DLGAP1: variants seen among roughly 807,000 people sequenced by gnomAD.
DLGAP1 encodes the protein DLG associated protein 1.
In DLGAP1, 11 loss-of-function variants were observed where a neutral mutation model predicts 90.8. That is an observed-to-expected ratio of 0.12 (90% CI 0.08 to 0.20). The LOEUF (loss-of-function observed/expected upper bound fraction) is 0.20. Among genes scored for constraint, DLGAP1 ranks in the 10% least tolerant of loss-of-function variants. DLGAP1 has a pLI of 1.00. For synonymous variants in DLGAP1, 558 were observed against 540.7 expected, an observed-to-expected ratio of 1.03 and a Z score of -0.44; for missense variants, 1,050 against 1,333.8, an observed-to-expected ratio of 0.79 and a Z score of 3.31.
intron 10 of DLGAP1, among the ~76,000 whole-genome samples, chr18:3,513,922 C>T (rs7242323): frequency 0.58 from 87,673 of 151,974 alleles, 27,297 homozygotes; most frequent in East Asian, 0.76. Context: ...AAACACTTTC[C>T]TTTAACCCTC....
chr18:3,935,345 T>C (rs1186875769), intron 3 of DLGAP1, among the ~76,000 whole-genome samples: 4 of 152,236 alleles, frequency 2.6e-5, no homozygotes, highest in Non-Finnish European at 5.9e-5. Context: ...AGTGTTGGAA[T>C]TTAATTCAAT....
chr18:4,403,634 A>G (rs550660304), intron 1 of DLGAP1, among the ~76,000 whole-genome samples: 1 of 152,316 alleles, frequency 6.6e-6, no homozygotes, highest in Non-Finnish European at 1.5e-5. Flanking sequence ...AATAATGCAA[A>G]TCAAAGTCTT....
In DLGAP1 at chr18:3,499,720, A is replaced by T. The variant is rs2049829862; in HGVS notation, c.2725-326T>A. On this transcript the variant is annotated intron_variant, in intron 12 of 12. Transcript: ENST00000315677. The surrounding 1 kb of genome is among the most constrained non-coding windows in gnomAD (Gnocchi z 6.4). ...ACATTGAGTGCGGTTCTCTCTGGAG[A>T]CTCCAGACTCCTCCTGGTGCCAGAG... 6.6e-6 allele frequency among the ~76,000 whole-genome samples: 1 copy of T among 151,484 alleles called. No individual in the cohort carries two copies. Among genetic ancestry groups the T allele is most frequent in the Admixed American group, 6.6e-5 (1 of 15,210 alleles).
chr18:4,390,879 TTC>T (rs1234734240), intron 1 of DLGAP1, among the ~76,000 whole-genome samples: 6 of 152,202 alleles, frequency 3.9e-5, no homozygotes, highest in Non-Finnish European at 7.3e-5. Context: ...TTCCTCCATG[TTC>T]TCTTTTGCCT....
At chr18:3,974,364 T>A (rs149199175) in intron 3 of DLGAP1, among the ~76,000 whole-genome samples, 25 of 152,262 alleles carry the variant, frequency 1.6e-4, no homozygotes, top group Non-Finnish European at 1.6e-4. Flanking sequence ...AATTCATCCG[T>A]GACCTAAATG....
At chr18:4,304,856 A>G (rs1012987842) in intron 1 of DLGAP1, among the ~76,000 whole-genome samples, 11 of 151,686 alleles carry the variant, frequency 7.3e-5, no homozygotes, top group Non-Finnish European at 5.9e-5. Context: ...GCTTGAACCC[A>G]GGAGGCGGAG....
At chr18:3,927,254 C>T (rs2072412624) in intron 3 of DLGAP1, among the ~76,000 whole-genome samples, 1 of 152,186 alleles carries the variant, frequency 6.6e-6, no homozygotes, top group African/African-American at 2.4e-5. Context: ...AGTATATTTA[C>T]ATCTTACAAC....
intron 2 of DLGAP1, among the ~76,000 whole-genome samples, chr18:4,122,220 G>T (rs1031544295): frequency 1.1e-4 from 16 of 152,132 alleles, no homozygotes; most frequent in African/African-American, 3.9e-4. Flanking sequence ...ACCAGGAAAA[G>T]ACAAATGTTA....
At chr18:4,269,650 G>A (rs1006880) in intron 1 of DLGAP1, among the ~76,000 whole-genome samples, 84,035 of 151,996 alleles carry the variant, frequency 0.55, 26,557 homozygotes, top group African/African-American at 0.87. Context: ...CACCGCGCCC[G>A]GCCATATTCT....
chr18:4,249,522 C>G (rs1043045576), intron 1 of DLGAP1, among the ~76,000 whole-genome samples: 1 of 150,070 alleles, frequency 6.7e-6, no homozygotes, highest in Admixed American at 6.7e-5. Context: ...TCAGGCAACA[C>G]TTTTACTCTA....
chr18:3,909,544 ATTTT>A lies in DLGAP1; in HGVS notation c.-72-29408_-72-29405del, dbSNP rs373391824. Among the ~76,000 whole-genome samples the A allele has an allele frequency of 3.0e-3, 453 of 152,226 alleles. 1 individual carries two copies. The highest frequency in any genetic ancestry group is 0.016 in the South Asian group (76 of 4,812). On this transcript the variant is annotated intron_variant, in intron 3 of 12. Transcript: ENST00000315677. The stretch of plus-strand genomic sequence containing the variant: ...GATTAGGGTTCTTTTCTTGCTTTTG[ATTTT>A]TTTATTAATTAGTGATGATAATTAC...
At chr18:4,420,243 C>T (rs191705369) in intron 1 of DLGAP1, among the ~76,000 whole-genome samples, 1 of 152,158 alleles carries the variant, frequency 6.6e-6, no homozygotes, top group Non-Finnish European at 1.5e-5. Flanking sequence ...GAGACTTCAA[C>T]ACTTTTCTCT....
intron 3 of DLGAP1, among the ~76,000 whole-genome samples, chr18:3,975,853 A>G (rs1381555873): frequency 6.6e-6 from 1 of 152,204 alleles, no homozygotes; most frequent in Non-Finnish European, 1.5e-5. Flanking sequence ...TTTAATTTAC[A>G]TGAGGTACCT....
chr18:3,507,321 T>TAAAAC (rs71366673), intron 11 of DLGAP1, among the ~76,000 whole-genome samples: 7,863 of 148,220 alleles, frequency 0.053, 244 homozygotes, highest in African/African-American at 0.083. Flanking sequence ...CCGTCTCTAC[T>TAAAAC]AAAACAAAAC....
intron 5 of DLGAP1, among the ~76,000 whole-genome samples, chr18:3,793,428 T>C (rs1331739616): frequency 6.6e-6 from 1 of 152,168 alleles, no homozygotes; most frequent in Non-Finnish European, 1.5e-5. Flanking sequence ...GTGCTGCTCC[T>C]CCACCCAAGG....
chr18:4,093,328 G>A (rs183411292), intron 2 of DLGAP1, among the ~76,000 whole-genome samples: 5 of 152,226 alleles, frequency 3.3e-5, no homozygotes, highest in South Asian at 2.1e-4. Context: ...TCCCAGTAAC[G>A]GGAAGAAGGA....
chr18:4,269,354 A>ATTTTTTTTTTT (rs202021108), intron 1 of DLGAP1, among the ~76,000 whole-genome samples: 1 of 132,124 alleles, frequency 7.6e-6, no homozygotes, highest in Non-Finnish European at 1.6e-5. Context: ...ATATATATAT[A>ATTTTTTTTTTT]TTTTTTTTTT....
In DLGAP1 at chr18:3,565,430, G is replaced by A. The variant is rs192068271; in HGVS notation, c.2057+2060C>T. On this transcript the variant is annotated intron_variant, in intron 9 of 12. Coordinates refer to ENST00000315677, the MANE Select transcript of DLGAP1 (RefSeq NM_004746.4). The surrounding 1 kb of genome is among the most constrained non-coding windows in gnomAD (Gnocchi z 4.0). ...CTCCCAGACTGCTGGGATTACAGGC[G>A]TGAGCCATTGCCCATGTCCAGGAAT... Among the ~76,000 whole-genome samples the A allele has an allele frequency of 1.3e-3, 199 of 152,128 alleles. No individual in the cohort carries two copies. The highest frequency in any genetic ancestry group is 6.8e-3 in the Middle Eastern group (2 of 294).
chr18:3,593,478 A>C (rs2056396010), intron 7 of DLGAP1, among the ~76,000 whole-genome samples: 1 of 152,200 alleles, frequency 6.6e-6, no homozygotes, highest in Admixed American at 6.5e-5. Context: ...CCCCTCTGGG[A>C]GATACAAGGT....
Sources: allele counts gnomAD v4.1 joint callset (sites outside exome capture counted in the v4.1 genomes callset), GRCh38; gene constraint gnomAD v4.1.1; non-coding constraint Gnocchi (gnomAD v3.1); transcripts MANE v1.5; gene names NCBI Gene and HGNC (gene_info 2026-07-23, HGNC 2026-07-21).